The following RNF212B variants were observed in gnomAD, a reference collection of about 807,000 sequenced individuals.
The protein encoded by RNF212B is ring finger protein 212B, also known as E3 ubiquitin-protein ligase RNF212B.
Under a neutral mutation model 55.5 loss-of-function variants are expected in RNF212B, and 52 were observed. The observed-to-expected ratio is 0.94, with a 90% CI of 0.75 to 1.18. The LOEUF is 1.18. Ranked by LOEUF, RNF212B falls within the 50% of genes most tolerant of loss-of-function variation. RNF212B has a pLI of 0.00. For synonymous variants in RNF212B, 99 were observed against 121.4 expected (o/e 0.82, Z 1.21); for missense variants, 289 against 350.4 (o/e 0.82, Z 1.40).
At chr14:23,242,998 A>G (rs1883709064) in intron 2 of RNF212B, among the ~76,000 whole-genome samples, 2 of 151,648 alleles carry the variant, frequency 1.3e-5, no homozygotes, top group South Asian at 4.2e-4. Flanking sequence ...GTAAAATAAA[A>G]TTTAAAAAGA....
At chr14:23,187,670 A>G (rs1429201242) in intron 1 of RNF212B, among the ~76,000 whole-genome samples, 1 of 152,170 alleles carries the variant, frequency 6.6e-6, no homozygotes, top group Non-Finnish European at 1.5e-5. Context: ...TGAGGTTACC[A>G]ACAAAGGACC....
At chr14:23,233,215 G>T (rs975033177), upstream of RNF212B, among the ~76,000 whole-genome samples, 8 of 152,094 alleles carry the variant, frequency 5.3e-5, no homozygotes, top group Non-Finnish European at 8.8e-5. Context: ...GCAGCATGCT[G>T]GTTAAGAGTC....
At chr14:23,223,926 T>C (rs1044027792) in intron 2 of RNF212B, among the ~76,000 whole-genome samples, 1 of 152,184 alleles carries the variant, frequency 6.6e-6, no homozygotes, top group African/African-American at 2.4e-5. Flanking sequence ...CAAAAACCAG[T>C]AACTTTTTAT....
chr14:23,224,240 A>G (rs114761390), intron 2 of RNF212B, among the ~76,000 whole-genome samples: 1 of 152,124 alleles, frequency 6.6e-6, no homozygotes, highest in Non-Finnish European at 1.5e-5. Flanking sequence ...AATGTCAAAA[A>G]AAAAAAGCTA....
At chr14:23,259,965 T>C (rs1383543820) in intron 6 of RNF212B, 21 bp downstream of exon 6, 1 of 1,273,780 alleles carries the variant, frequency 7.9e-7, no homozygotes, top group Non-Finnish European at 1.1e-6. Flanking sequence ...TAGATTTTCC[T>C]TATTATTATT....
chr14:23,258,278 C>T (rs938063057), intron 4 of RNF212B, among the ~76,000 whole-genome samples: 3 of 145,216 alleles, frequency 2.1e-5, no homozygotes, highest in Admixed American at 7.0e-5. Context: ...GCAGAGGTTA[C>T]GGTGAGCCGA....
chr14:23,258,458 A>G (rs1427436429), intron 4 of RNF212B, 91 bp from the exon 5 acceptor site: 32 of 585,136 alleles, frequency 5.5e-5, no homozygotes, highest in Admixed American at 1.4e-4. Context: ...GCAGTATAAT[A>G]AAGTGTGATT....
intron 2 of RNF212B, among the ~76,000 whole-genome samples, chr14:23,206,957 AAAC>A (rs1879904493): frequency 1.3e-5 from 2 of 151,590 alleles, no homozygotes; most frequent in South Asian, 4.1e-4. Context: ...CAACAACAAC[AAAC>A]AAAAACATGA....
rs1328642451 is a variant in RNF212B at position 23,273,024 on chromosome 14, C to T, written c.*133C>T. ...GTTTCACTCTGTACCTTATGCTCCC[C>T]CCATCTTTACCCTATTCACCCTTAT... On this transcript the variant is annotated 3_prime_UTR_variant, in exon 15 of 15. Coordinates refer to ENST00000430154, the MANE Select transcript of RNF212B (RefSeq NM_001282322.3). 7.2e-6 allele frequency: 4 copies of T among 551,922 alleles called. No homozygotes were observed. Among genetic ancestry groups the T allele is most frequent in the Non-Finnish European group, 1.3e-5 (4 of 315,472 alleles). 34.2% of individuals were successfully genotyped at this position (551,922 alleles called of 1,614,324 possible).
intron 7 of RNF212B, among the ~76,000 whole-genome samples, chr14:23,262,433 T>C (rs377386921): frequency 4.6e-5 from 7 of 152,322 alleles, no homozygotes; most frequent in South Asian, 2.1e-4. Flanking sequence ...ACTTCTATTA[T>C]GGGCAACACA....
intron 2 of RNF212B, among the ~76,000 whole-genome samples, chr14:23,242,593 T>C (rs544244580): frequency 2.0e-5 from 3 of 152,178 alleles, no homozygotes; most frequent in Non-Finnish European, 4.4e-5. Context: ...TCTTCCTCAC[T>C]CTTGTAAATG....
intron 2 of RNF212B, among the ~76,000 whole-genome samples, chr14:23,228,042 C>T (rs1882196020): frequency 6.6e-6 from 1 of 151,778 alleles, no homozygotes; most frequent in African/African-American, 2.4e-5. Context: ...ACCAGCCTGA[C>T]CAACATGGAG....
chr14:23,269,043 G>A (rs1224242308), intron 12 of RNF212B, 80 bp downstream of exon 12: 6 of 1,201,192 alleles, frequency 5.0e-6, no homozygotes, highest in African/African-American at 1.5e-5. Flanking sequence ...GGTGGCTCAC[G>A]CCTGTAATCC....
At chr14:23,199,351 T>C (rs970831113) in intron 2 of RNF212B, among the ~76,000 whole-genome samples, 2 of 152,168 alleles carry the variant, frequency 1.3e-5, no homozygotes, top group Admixed American at 6.5e-5. Context: ...TTACATTCTT[T>C]TGAGATTCTG....
At chr14:23,260,962 G>A (rs887526348) in intron 7 of RNF212B, among the ~76,000 whole-genome samples, 2 of 152,204 alleles carry the variant, frequency 1.3e-5, no homozygotes, top group African/African-American at 2.4e-5. Context: ...TACTCAGCAA[G>A]GTCATTTTTA....
intron 14 of RNF212B, chr14:23,272,609 T>A (rs1028722588): frequency 3.5e-6 from 2 of 564,388 alleles, no homozygotes; most frequent in African/African-American, 3.9e-5. Context: ...CTTATTATTA[T>A]CACCATAAGC....
rs1555316069 is a variant in RNF212B, at chr14:23,238,777, A to ATCATCATCATCATC, written c.-2+722_-2+723insTCATCATCATCATC. On this transcript the variant is annotated intron_variant, in intron 1 of 14. Transcript: ENST00000430154. Reference sequence around the variant, plus strand: ...TAATAATAATAATAATAATAATAATAATAATCCCACAAAGAAACCTTACAA... The same window carrying ATCATCATCATCATC: ...TAATAATAATAATAATAATAATAATATCATCATCATCATCATAATCCCACAAAGAAACCTTACAA... Among the ~76,000 whole-genome samples the ATCATCATCATCATC allele has an allele frequency of 7.3e-4, 98 of 134,774 alleles. 1 individual carries two copies. Among genetic ancestry groups the ATCATCATCATCATC allele is most frequent in the South Asian group, 2.1e-3 (9 of 4,362 alleles). 88.4% of individuals were successfully genotyped at this position (134,774 alleles called of 152,430 possible). A position where few individuals can be genotyped will look rare whatever the true frequency, so the allele number is the denominator to read the frequency against.
chr14:23,243,734 AAG>A (rs1343806809), intron 3 of RNF212B, among the ~76,000 whole-genome samples: 8,746 of 145,752 alleles, frequency 0.06, 449 homozygotes, highest in African/African-American at 0.11. Flanking sequence ...GCAAGCAAGC[AAG>A]CAAGCAAGCA....
At chr14:23,232,251 C>T (rs978432645) in intron 2 of RNF212B, among the ~76,000 whole-genome samples, 3 of 150,086 alleles carry the variant, frequency 2.0e-5, no homozygotes, top group Admixed American at 6.6e-5. Context: ...GCCTCTGCCC[C>T]GCCGCCCCAT....
Sources: gnomAD v4.1 joint callset for allele counts (sites outside exome capture counted in the v4.1 genomes callset) on GRCh38, gnomAD v4.1.1 for gene constraint, MANE v1.5 for transcripts, NCBI Gene and HGNC (gene_info 2026-07-23, HGNC 2026-07-21) for gene names.